KCNQ3: variants seen among roughly 807,000 people sequenced by gnomAD.
The protein encoded by KCNQ3 is potassium voltage-gated channel subfamily Q member 3.
A neutral mutation model predicts 92.5 loss-of-function variants in KCNQ3; 30 were observed. The ratio of observed to expected loss-of-function variants is 0.32; its 90% CI spans 0.24 to 0.44. The LOEUF is 0.44. Ranked by LOEUF, KCNQ3 falls within the 20% of genes least tolerant of loss-of-function variation. The pLI, the probability that KCNQ3 is intolerant of heterozygous loss-of-function variation, is 1.00. For synonymous variants in KCNQ3, 450 were observed against 468.8 expected, an observed-to-expected ratio of 0.96 and a Z score of 0.52; for missense variants, 913 against 1,140.3, an observed-to-expected ratio of 0.80 and a Z score of 2.87.
At chr8:132,275,507 G>T (rs1458321596) in intron 1 of KCNQ3, among the ~76,000 whole-genome samples, 1 of 151,936 alleles carries the variant, frequency 6.6e-6, no homozygotes, top group Non-Finnish European at 1.5e-5. Context: ...GGAGTATGAG[G>T]GTCATTTGCC....
At chr8:132,192,590 CTGTCCTT>C (rs1282494212) in intron 1 of KCNQ3, among the ~76,000 whole-genome samples, 3 of 152,128 alleles carry the variant, frequency 2.0e-5, no homozygotes, top group African/African-American at 7.2e-5. Flanking sequence ...TCCTTTTCGT[CTGTCCTT>C]TGTCACTTCA....
chr8:132,155,619 T>C (rs1378199996), intron 9 of KCNQ3, among the ~76,000 whole-genome samples: 2 of 152,172 alleles, frequency 1.3e-5, no homozygotes, highest in African/African-American at 4.8e-5. Context: ...CAGAATCACA[T>C]AGCCAACATT....
At chr8:132,305,647 A>C (rs1014402821) in intron 1 of KCNQ3, among the ~76,000 whole-genome samples, 1 of 151,760 alleles carries the variant, frequency 6.6e-6, no homozygotes, top group Non-Finnish European at 1.5e-5. Context: ...TTCAGTACTG[A>C]CTCTGGCTGT....
At chr8:132,232,337 G>A (rs1814670287) in intron 1 of KCNQ3, among the ~76,000 whole-genome samples, 1 of 152,178 alleles carries the variant, frequency 6.6e-6, no homozygotes, top group Non-Finnish European at 1.5e-5. Flanking sequence ...TGGTGCTGAT[G>A]CTGTAGGTTG....
chr8:132,225,719 C>T (rs145405596), intron 1 of KCNQ3, among the ~76,000 whole-genome samples: 630 of 152,272 alleles, frequency 4.1e-3, no homozygotes, highest in Non-Finnish European at 7.7e-3. Flanking sequence ...ATCAGGACTT[C>T]GCTTTAAGAG....
intron 1 of KCNQ3, among the ~76,000 whole-genome samples, chr8:132,292,768 G>A (rs1816894873): frequency 6.6e-6 from 1 of 152,162 alleles, no homozygotes; most frequent in Non-Finnish European, 1.5e-5. Context: ...TGGGCCTCAG[G>A]AAACAGAATC....
At chr8:132,217,428 C>T (rs574976594) in intron 1 of KCNQ3, among the ~76,000 whole-genome samples, 3 of 152,174 alleles carry the variant, frequency 2.0e-5, no homozygotes, top group South Asian at 2.1e-4. Flanking sequence ...CACTGAGAGT[C>T]GGCCGGACAC....
chr8:132,252,578 A>G (rs994848698), intron 1 of KCNQ3, among the ~76,000 whole-genome samples: 1 of 152,200 alleles, frequency 6.6e-6, no homozygotes, highest in Non-Finnish European at 1.5e-5. Flanking sequence ...GACCCAAGCC[A>G]GTTGCTGCTG....
intron 4 of KCNQ3, among the ~76,000 whole-genome samples, chr8:132,177,519 C>A (rs527828325): frequency 1.3e-5 from 2 of 152,298 alleles, no homozygotes; most frequent in African/African-American, 4.8e-5. Context: ...GCCTTGGTGA[C>A]TCAAGTCCTC....
At chr8:132,456,127 A>G (rs568838823) in intron 1 of KCNQ3, among the ~76,000 whole-genome samples, 31 of 152,186 alleles carry the variant, frequency 2.0e-4, no homozygotes, top group African/African-American at 7.0e-4. Flanking sequence ...AGGTCACACC[A>G]CTGAAATTCA....
At chr8:132,133,645 T>A (rs937974312) in intron 13 of KCNQ3, among the ~76,000 whole-genome samples, 1 of 152,186 alleles carries the variant, frequency 6.6e-6, no homozygotes, top group African/African-American at 2.4e-5. Context: ...TAAGCCACCA[T>A]GCCCGGCCTC....
chr8:132,146,687 G>C (rs1405318249), intron 9 of KCNQ3, among the ~76,000 whole-genome samples: 1 of 151,900 alleles, frequency 6.6e-6, no homozygotes, highest in Admixed American at 6.6e-5. Flanking sequence ...TCTGCTCCTG[G>C]GTTCAAGCGA....
intron 1 of KCNQ3, among the ~76,000 whole-genome samples, chr8:132,403,396 G>C (rs1820400627): frequency 1.3e-5 from 2 of 152,256 alleles, no homozygotes; most frequent in South Asian, 4.1e-4. Context: ...CAGACCTGCA[G>C]CCCATTCCCG....
chr8:132,238,832 A>G (rs908123401), intron 1 of KCNQ3, among the ~76,000 whole-genome samples: 2 of 152,178 alleles, frequency 1.3e-5, no homozygotes, highest in Non-Finnish European at 2.9e-5. Context: ...GTGTACATGA[A>G]GTCATATGGT....
intron 1 of KCNQ3, among the ~76,000 whole-genome samples, chr8:132,321,220 T>C (rs951486597): frequency 2.6e-5 from 4 of 152,212 alleles, no homozygotes; most frequent in African/African-American, 9.6e-5. Context: ...CATAAGGTGT[T>C]GTTTCCCAAA....
intron 1 of KCNQ3, among the ~76,000 whole-genome samples, chr8:132,210,922 G>T (rs1813832108): frequency 6.6e-6 from 1 of 152,176 alleles, no homozygotes; most frequent in African/African-American, 2.4e-5. Flanking sequence ...ATTAAAATGG[G>T]TTGGCACATA....
At chr8:132,258,988 T>C (rs1447988343) in intron 1 of KCNQ3, among the ~76,000 whole-genome samples, 1 of 151,954 alleles carries the variant, frequency 6.6e-6, no homozygotes, top group African/African-American at 2.4e-5. Flanking sequence ...CTTTAGCAAA[T>C]AAAACTATTG....
intron 1 of KCNQ3, among the ~76,000 whole-genome samples, chr8:132,282,429 C>G (rs561398248): frequency 6.6e-6 from 1 of 152,122 alleles, no homozygotes; most frequent in Admixed American, 6.5e-5. Flanking sequence ...CATCTGTCCC[C>G]CTTGCTAAGT....
chr8:132,224,383 G>A (rs1305844286), intron 1 of KCNQ3, among the ~76,000 whole-genome samples: 1 of 151,896 alleles, frequency 6.6e-6, no homozygotes, highest in Non-Finnish European at 1.5e-5. Flanking sequence ...ATTAACTCAG[G>A]CTCATTCTGA....
Sources: gnomAD v4.1 joint callset for allele counts (sites outside exome capture counted in the v4.1 genomes callset) on GRCh38, gnomAD v4.1.1 for gene constraint, MANE v1.5 for transcripts, NCBI Gene and HGNC (gene_info 2026-07-23, HGNC 2026-07-21) for gene names.